Variants in TGFBRAP1 observed in about 807,000 individuals in gnomAD.
The protein encoded by TGFBRAP1 is transforming growth factor-beta receptor-associated protein 1.
In TGFBRAP1, 20 loss-of-function variants were observed where a neutral mutation model predicts 83.2. The observed-to-expected ratio is 0.24, with a 90% CI of 0.17 to 0.35. The LOEUF (loss-of-function observed/expected upper bound fraction) is 0.35, where lower values mean the gene tolerates loss of function less well. TGFBRAP1 is among the 10% of genes least tolerant of loss of function. TGFBRAP1 has a pLI of 1.00. For missense variants in TGFBRAP1, 950 were observed against 1,099.4 expected (o/e 0.86, Z 1.92); for synonymous variants, 415 against 459.8 (o/e 0.90, Z 1.25).
intron 9 of TGFBRAP1, 101 bp from the exon 10 acceptor site, chr2:105,273,115 G>A: frequency 7.0e-7 from 1 of 1,437,914 alleles, no homozygotes; most frequent in Non-Finnish European, 9.4e-7. Context: ...CGGCTGCACT[G>A]ACATGAGCTG....
intron 10 of TGFBRAP1, among the ~76,000 whole-genome samples, chr2:105,271,528 A>G (rs957266218): frequency 1.3e-5 from 2 of 152,164 alleles, no homozygotes; most frequent in Non-Finnish European, 2.9e-5. Flanking sequence ...GTTTCATGAA[A>G]TACCAACCCA....
At chr2:105,293,990 C>T (rs190338331) in intron 4 of TGFBRAP1, among the ~76,000 whole-genome samples, 10 of 152,144 alleles carry the variant, frequency 6.6e-5, no homozygotes, top group African/African-American at 1.7e-4. Flanking sequence ...GATATTTATG[C>T]GAGGTATCAA....
At position 105,280,655 on chromosome 2, in the gene TGFBRAP1, A is replaced by AAGG; in HGVS notation, c.1187_1189dup (p.Ser396dup). Reference sequence around the variant, plus strand: ...ATGAAGAGGAGGGTGGGACCGGGTGAAGGAGGAGGAGGTGGGCAACAGGAA... The same window carrying AAGG: ...ATGAAGAGGAGGGTGGGACCGGGTGAAGGAGGAGGAGGAGGTGGGCAACAGGAA... On this transcript the variant is annotated inframe_insertion, in exon 6 of 12. Coordinates refer to ENST00000393359, the MANE Select transcript of TGFBRAP1 (RefSeq NM_004257.6). The AAGG allele has an allele frequency of 6.2e-7, 1 of 1,614,138 alleles. No individual in the cohort carries two copies. The highest frequency in any genetic ancestry group is 8.5e-7 in the Non-Finnish European group (1 of 1,180,022).
At chr2:105,290,616 A>ACT (rs1677875824) in intron 4 of TGFBRAP1, among the ~76,000 whole-genome samples, 1 of 139,986 alleles carries the variant, frequency 7.1e-6, no homozygotes, top group Non-Finnish European at 1.6e-5. Context: ...ACAGAGAGAC[A>ACT]GTGTGTGTGT....
At chr2:105,292,577 G>T (rs1027037418) in intron 4 of TGFBRAP1, among the ~76,000 whole-genome samples, 2 of 151,496 alleles carry the variant, frequency 1.3e-5, no homozygotes, top group Admixed American at 6.6e-5. Context: ...AAGAAGGGAG[G>T]CAGAGAGAGA....
In TGFBRAP1 at chr2:105,319,576, C is replaced by T. The variant is rs573608496; in HGVS notation, c.-18+10049G>A. Among the ~76,000 whole-genome samples, 3 of 148,970 alleles carry T rather than the reference C, an allele frequency of 2.0e-5. No homozygotes were observed. In the East Asian group the frequency reaches 5.9e-4, roughly 30 times the overall value. ...GTGTGGTGGCAGGTGCCTGTAATCC[C>T]AGCTACTTGGGAGGCTGAGGCAGGA... On this transcript the variant is annotated intron_variant, in intron 1 of 11. Transcript: ENST00000393359.
chr2:105,311,578 C>T (rs1678695153), intron 1 of TGFBRAP1, among the ~76,000 whole-genome samples: 2 of 151,034 alleles, frequency 1.3e-5, no homozygotes, highest in Non-Finnish European at 2.9e-5. Flanking sequence ...GTGTGAGATG[C>T]TTTCACACAG....
chr2:105,254,671 C>T, the TGFBRAP1 span, among the ~76,000 whole-genome samples: 1 of 151,934 alleles, frequency 6.6e-6, no homozygotes, highest in Admixed American at 6.6e-5. Context: ...GAAGGGTTTC[C>T]AGACTCGTGT....
chr2:105,316,462 T>TGTGTGTGTGTGCGCGCGC (rs1177329674), intron 1 of TGFBRAP1, among the ~76,000 whole-genome samples: 17 of 84,810 alleles, frequency 2.0e-4, no homozygotes, highest in Middle Eastern at 5.2e-3. Flanking sequence ...TGTGTGTGTG[T>TGTGTGTGTGTGCGCGCGC]GCGCGCGCGC....
intron 4 of TGFBRAP1, among the ~76,000 whole-genome samples, chr2:105,286,794 G>T (rs1677733020): frequency 6.6e-6 from 1 of 152,150 alleles, no homozygotes; most frequent in African/African-American, 2.4e-5. Flanking sequence ...TCTGAACTGA[G>T]ATTTCTAACA....
chr2:105,262,657 C>T (rs1159457741), downstream of TGFBRAP1, among the ~76,000 whole-genome samples: 1 of 152,234 alleles, frequency 6.6e-6, no homozygotes. Flanking sequence ...ACGCTCCCGA[C>T]ACCTGACATT....
chr2:105,287,789 T>G (rs1320401314), intron 4 of TGFBRAP1, among the ~76,000 whole-genome samples: 2 of 152,120 alleles, frequency 1.3e-5, no homozygotes, highest in Non-Finnish European at 2.9e-5. Context: ...TCCAGGTCTA[T>G]CTGCTTGATT....
Position 105,308,197 on chromosome 2 carries a change from C to G in TGFBRAP1, c.105G>C (p.Arg35Ser). Reference sequence around the variant, plus strand: ...AGTCGTTGGTGCCCACGTAGAGGTCCCTGCCGCAGCACTCCACGCACTCTA... The same window carrying G: ...AGTCGTTGGTGCCCACGTAGAGGTCGCTGCCGCAGCACTCCACGCACTCTA... ...VNIECVECCGRDLYVGTNDCF... is the reference protein window; with the variant it reads ...VNIECVECCGSDLYVGTNDCF... Residue 35 changes from arginine (R) to serine (S), a missense_variant, in exon 2 of 12, where the codon AGG becomes AGC. Coordinates refer to ENST00000393359, the MANE Select transcript of TGFBRAP1 (RefSeq NM_004257.6). 1 of 1,614,224 alleles carries G rather than the reference C, an allele frequency of 6.2e-7. No individual in the cohort carries two copies. Among genetic ancestry groups the G allele is most frequent in the Non-Finnish European group, 8.5e-7 (1 of 1,180,038 alleles).
Position 105,316,473 on chromosome 2 carries a change from G to A in TGFBRAP1, c.-17-8155C>T, listed in dbSNP as rs1274169095. Reference sequence around the variant, plus strand: ...TGTGTGTGTGTGTGTGCGCGCGCGCGCGCGCGCACGCGCACATAACTCAAA... The same window carrying A: ...TGTGTGTGTGTGTGTGCGCGCGCGCACGCGCGCACGCGCACATAACTCAAA... On this transcript the variant is annotated intron_variant, in intron 1 of 11. Coordinates refer to ENST00000393359, the MANE Select transcript of TGFBRAP1 (RefSeq NM_004257.6). 4.0e-3 allele frequency among the ~76,000 whole-genome samples: 329 copies of A among 81,244 alleles called. 1 individual carries two copies. The highest frequency in any genetic ancestry group is 0.013 in the African/African-American group (302 of 23,720). 53.3% of individuals were successfully genotyped at this position (81,244 alleles called of 152,430 possible).
rs934977753 is a variant in TGFBRAP1 at position 105,289,237 on chromosome 2, A to C, written c.1039-4839T>G. 2.0e-5 allele frequency among the ~76,000 whole-genome samples: 3 copies of C among 152,138 alleles called. No individual in the cohort carries two copies. The South Asian group carries it at 6.2e-4, about 32-fold the overall frequency. On this transcript the variant is annotated intron_variant, in intron 4 of 11. Coordinates refer to ENST00000393359, the MANE Select transcript of TGFBRAP1 (RefSeq NM_004257.6). ...GGGGTGCCAAACTCTCTTGGGAAGG[A>C]TATACACAAAAAATTGCAACACTGG...
chr2:105,275,594 G>A lies in TGFBRAP1; in HGVS notation c.1631C>T (p.Ala544Val). The A allele has an allele frequency of 6.2e-7, 1 of 1,614,062 alleles. No homozygotes were observed. Among genetic ancestry groups the A allele is most frequent in the Non-Finnish European group, 8.5e-7 (1 of 1,180,018 alleles). The change falls in exon 8 of 12, where the codon GCC (alanine) becomes GTC (valine). Residue 544 changes from alanine (A) to valine (V), a missense_variant. By Grantham distance (64) the Ala-to-Val change is moderately conservative. Transcript: ENST00000393359. The stretch of plus-strand genomic sequence containing the variant: ...TTTCTGCAGGACCCAATCAGCATAG[G>A]CCCACACTAGTTCCTCGTCTAAGCA... Reference protein sequence around the residue: ...TYCLDEELVWAYADWVLQKSE... With the variant: ...TYCLDEELVWVYADWVLQKSE...
the TGFBRAP1 span, among the ~76,000 whole-genome samples, chr2:105,259,052 G>C: frequency 3.9e-5 from 6 of 152,188 alleles, no homozygotes; most frequent in Non-Finnish European, 8.8e-5. Flanking sequence ...ATAATGATGG[G>C]TTTACAGGAG....
intron 2 of TGFBRAP1, among the ~76,000 whole-genome samples, chr2:105,300,303 C>A (rs1183672370): frequency 2.0e-5 from 3 of 151,952 alleles, no homozygotes; most frequent in Non-Finnish European, 4.4e-5. Context: ...ACAAGCAGAA[C>A]AAAACTTAAG....
At chr2:105,252,518 G>A in the TGFBRAP1 span, among the ~76,000 whole-genome samples, 183 of 152,242 alleles carry the variant, frequency 1.2e-3, 1 homozygote, top group African/African-American at 4.1e-3. Context: ...GGCACCATGC[G>A]GTTTCCCTCC....
Sources: gnomAD v4.1 joint callset for allele counts (sites outside exome capture counted in the v4.1 genomes callset) on GRCh38, gnomAD v4.1.1 for gene constraint, MANE v1.5 for transcripts, NCBI Gene and HGNC (gene_info 2026-07-23, HGNC 2026-07-21) for gene names.